The following DAB1 variants were observed in gnomAD, a reference collection of about 807,000 sequenced individuals.
The protein encoded by DAB1 is DAB adaptor protein 1, also known as disabled homolog 1.
A neutral mutation model predicts 64.6 loss-of-function variants in DAB1; 15 were observed. That is an observed-to-expected ratio of 0.23 (90% confidence interval 0.16 to 0.36). The LOEUF (loss-of-function observed/expected upper bound fraction) is 0.36. Ranked by LOEUF, DAB1 falls within the 10% of genes least tolerant of loss-of-function variation. The pLI, the probability that DAB1 is intolerant of heterozygous loss-of-function variation, is 1.00. For synonymous variants in DAB1, 235 were observed against 251.9 expected (o/e 0.93, Z 0.64); for missense variants, 596 against 706.7 (o/e 0.84, Z 1.78).
intron 7 of DAB1, among the ~76,000 whole-genome samples, chr1:57,493,124 GTA>G (rs1212646990): frequency 7.2e-5 from 4 of 55,192 alleles, no homozygotes; most frequent in Non-Finnish European, 1.1e-4. Context: ...CAAATTGTGT[GTA>G]TGTGTGTGTG....
intron 4 of DAB1, among the ~76,000 whole-genome samples, chr1:58,294,774 A>G (rs1661928531): frequency 6.6e-6 from 1 of 152,084 alleles, no homozygotes; most frequent in South Asian, 2.1e-4. Context: ...CATAGGCAGA[A>G]GCACATCTAG....
intron 6 of DAB1, among the ~76,000 whole-genome samples, chr1:57,795,871 C>T (rs1407373873): frequency 6.6e-6 from 1 of 150,938 alleles, no homozygotes; most frequent in African/African-American, 2.4e-5. Context: ...GTTTTTTAGT[C>T]AGTATAGTGG....
chr1:58,167,177 TG>T (rs1219655097), intron 4 of DAB1, among the ~76,000 whole-genome samples: 4 of 152,216 alleles, frequency 2.6e-5, no homozygotes, highest in Non-Finnish European at 5.9e-5. Context: ...TGAAGCCAGC[TG>T]GGCTTCTGGG....
chr1:57,747,285 G>A (rs540369450), intron 6 of DAB1, among the ~76,000 whole-genome samples: 1 of 152,224 alleles, frequency 6.6e-6, no homozygotes, highest in African/African-American at 2.4e-5. Flanking sequence ...GGAAGAGTAG[G>A]GTTGTCCTTC....
At chr1:57,011,031 T>C (rs1200549960) in intron 13 of DAB1, 114 bp downstream of exon 13, 6 of 1,369,462 alleles carry the variant, frequency 4.4e-6, no homozygotes, top group Non-Finnish European at 4.0e-6. Context: ...TGAGAACTTA[T>C]GAGATTGAGC....
chr1:58,177,788 AT>A (rs1362812771), intron 4 of DAB1, among the ~76,000 whole-genome samples: 1 of 152,122 alleles, frequency 6.6e-6, no homozygotes, highest in East Asian at 1.9e-4. Flanking sequence ...CTCCAAACCC[AT>A]TTGTTTGCAC....
In DAB1 at chr1:58,383,882, T is replaced by G. The variant is rs369578057; in HGVS notation, n.258-40479A>C. On this transcript the variant is annotated intron_variant and non_coding_transcript_variant, in intron 3 of 20. Transcript: ENST00000485760. ...TCTTTGAGATCCTGACATCAATTCA[T>G]TGGATATATATCCAGAAGTGAGATT... 5.1e-4 allele frequency among the ~76,000 whole-genome samples: 77 copies of G among 152,348 alleles called. 1 individual carries two copies. The South Asian group carries it at 0.016, about 31-fold the overall frequency.
chr1:57,234,522 ACTG>A (rs1667946154), intron 2 of DAB1, among the ~76,000 whole-genome samples: 1 of 152,232 alleles, frequency 6.6e-6, no homozygotes, highest in Non-Finnish European at 1.5e-5. Context: ...CTATCAGGTA[ACTG>A]CTATTATTAA....
intron 5 of DAB1, among the ~76,000 whole-genome samples, chr1:57,934,545 T>C (rs181593714): frequency 9.8e-5 from 15 of 152,304 alleles, no homozygotes; most frequent in Non-Finnish European, 1.9e-4. Flanking sequence ...TAGCATTTAT[T>C]CAGTGATCAC....
Position 57,586,924 on chromosome 1 carries a change from T to G in DAB1, n.625+62668A>C, listed in dbSNP as rs563832055. Among the ~76,000 whole-genome samples, 7 of 152,282 alleles carry G rather than the reference T, an allele frequency of 4.6e-5. No individual in the cohort carries two copies. The East Asian group carries it at 1.3e-3, about 29-fold the overall frequency. ...TTCAACTTTGCTATCAATTACAAAG[T>G]CTGGCATGTGGTAAATTCTGGGGAC... is the stretch of plus-strand genomic sequence containing the variant. On this transcript the variant is annotated intron_variant and non_coding_transcript_variant, in intron 7 of 20. Transcript: ENST00000485760.
chr1:58,050,733 G>T (rs1342875545), intron 5 of DAB1, among the ~76,000 whole-genome samples: 1 of 152,062 alleles, frequency 6.6e-6, no homozygotes. Context: ...GTCTCACCGT[G>T]TTAGCCAGGA....
chr1:58,172,453 A>AACT (rs1656228482), intron 4 of DAB1, among the ~76,000 whole-genome samples: 2 of 152,188 alleles, frequency 1.3e-5, no homozygotes, highest in African/African-American at 2.4e-5. Context: ...GTGTCAAAGG[A>AACT]AGTTTATGGC....
chr1:57,069,832 G>A (rs982992649), intron 7 of DAB1, among the ~76,000 whole-genome samples: 4 of 152,070 alleles, frequency 2.6e-5, no homozygotes, highest in African/African-American at 4.8e-5. Context: ...TTTCCCTAAG[G>A]TTCAAAATCC....
chr1:58,282,601 G>A (rs1471765046), intron 4 of DAB1, among the ~76,000 whole-genome samples: 1 of 48,810 alleles, frequency 2.0e-5, no homozygotes, highest in East Asian at 6.6e-4. Context: ...TTCAGCCTTT[G>A]TTCTAAAAAA....
At chr1:58,250,769 TG>T (rs1350446694) in intron 4 of DAB1, among the ~76,000 whole-genome samples, 3 of 152,216 alleles carry the variant, frequency 2.0e-5, no homozygotes, top group Non-Finnish European at 4.4e-5. Flanking sequence ...TCTCAGTGTC[TG>T]CTCCCCTGGG....
intron 1 of DAB1, among the ~76,000 whole-genome samples, chr1:57,295,714 G>A (rs758410596): frequency 6.6e-6 from 1 of 152,116 alleles, no homozygotes; most frequent in South Asian, 2.1e-4. Flanking sequence ...AGGGAGAACT[G>A]GGTGGTGATG....
At chr1:57,361,154 T>C (rs1054590454) in intron 1 of DAB1, among the ~76,000 whole-genome samples, 2 of 152,014 alleles carry the variant, frequency 1.3e-5, no homozygotes, top group African/African-American at 4.8e-5. Context: ...ATAAAGAGCA[T>C]TAGGTAGTAT....
chr1:57,414,390 A>G (rs1391749412), intron 1 of DAB1, among the ~76,000 whole-genome samples: 1 of 152,264 alleles, frequency 6.6e-6, no homozygotes, highest in Admixed American at 6.5e-5. Flanking sequence ...CTGAAGGCTC[A>G]GCTGATCATT....
intron 4 of DAB1, among the ~76,000 whole-genome samples, chr1:58,186,922 C>T (rs1004977838): frequency 2.0e-5 from 3 of 152,174 alleles, no homozygotes; most frequent in Non-Finnish European, 4.4e-5. Flanking sequence ...GCTTGTATCA[C>T]ATTTGATAAT....
Sources: allele counts gnomAD v4.1 joint callset (sites outside exome capture counted in the v4.1 genomes callset), GRCh38; gene constraint gnomAD v4.1.1; transcripts MANE v1.5; gene names NCBI Gene and HGNC (gene_info 2026-07-23, HGNC 2026-07-21).